The following GRIK1 variants were observed in gnomAD, a reference collection of about 807,000 sequenced individuals.
GRIK1 encodes the protein glutamate receptor ionotropic, kainate 1.
GRIK1 carries 69 observed loss-of-function variants against 105.7 expected under a neutral mutation model. The ratio of observed to expected loss-of-function variants is 0.65; its 90% CI spans 0.54 to 0.80. The LOEUF is 0.80. Among genes scored for constraint, GRIK1 ranks in the 30% least tolerant of loss-of-function variants. GRIK1 has a pLI of 0.00. For missense variants in GRIK1, 1,109 were observed against 1,167.3 expected, an observed-to-expected ratio of 0.95 and a Z score of 0.73; for synonymous variants, 438 against 431.3, an observed-to-expected ratio of 1.02 and a Z score of -0.19.
At chr21:29,648,116 GA>G (rs1438803590) in intron 6 of GRIK1, among the ~76,000 whole-genome samples, 1 of 152,104 alleles carries the variant, frequency 6.6e-6, no homozygotes, top group African/African-American at 2.4e-5. Flanking sequence ...ATATTAGAGA[GA>G]AAAATAGACA....
intron 1 of GRIK1, among the ~76,000 whole-genome samples, chr21:29,864,254 A>G (rs2068734065): frequency 6.6e-6 from 1 of 152,102 alleles, no homozygotes; most frequent in African/African-American, 2.4e-5. Context: ...TCAAAGACAT[A>G]ATTTCATTAT....
chr21:29,765,857 C>CT (rs113142690), intron 1 of GRIK1, among the ~76,000 whole-genome samples: 3,946 of 146,516 alleles, frequency 0.027, 160 homozygotes, highest in African/African-American at 0.091. Context: ...GAAAATTCTT[C>CT]TTTTTTTTTT....
chr21:29,633,514 AAAAT>A (rs57847572), intron 7 of GRIK1, among the ~76,000 whole-genome samples: 6,375 of 151,760 alleles, frequency 0.042, 430 homozygotes, highest in African/African-American at 0.14. Flanking sequence ...AAATAAAATA[AAAAT>A]AAATAAATAA....
At position 29,939,764 on chromosome 21, in the gene GRIK1, G is replaced by A. The variant is rs948148695; in HGVS notation, c.-264C>T. 5.7e-6 allele frequency: 2 copies of A among 350,822 alleles called. No homozygotes were observed. The highest frequency in any genetic ancestry group is 9.4e-5 in the Admixed American group (2 of 21,220). 21.7% of individuals were successfully genotyped at this position (350,822 alleles called of 1,614,324 possible). Reference sequence around the variant, plus strand: ...CCTCTTCCATGGGCCGCAGACCGCGGAGGATCAGCGCTCTCTGGCTCCCGG... The same window carrying A: ...CCTCTTCCATGGGCCGCAGACCGCGAAGGATCAGCGCTCTCTGGCTCCCGG... On this transcript the variant is annotated 5_prime_UTR_variant, in exon 1 of 18. Transcript: ENST00000327783.
chr21:29,903,824 C>T (rs1055498280), intron 1 of GRIK1, among the ~76,000 whole-genome samples: 2 of 152,260 alleles, frequency 1.3e-5, no homozygotes, highest in African/African-American at 2.4e-5. Flanking sequence ...CACATGCACA[C>T]ATATATTTAT....
chr21:29,652,357 G>A (rs942705349), intron 5 of GRIK1, among the ~76,000 whole-genome samples: 1 of 152,126 alleles, frequency 6.6e-6, no homozygotes, highest in Non-Finnish European at 1.5e-5. Flanking sequence ...TCATCTCCTG[G>A]CTTGTTGAAA....
At chr21:29,558,740 A>G (rs9680403) in intron 15 of GRIK1, among the ~76,000 whole-genome samples, 5,642 of 150,870 alleles carry the variant, frequency 0.037, 347 homozygotes, top group African/African-American at 0.13. Flanking sequence ...TTATATGTAT[A>G]TTTAATATTA....
intron 1 of GRIK1, among the ~76,000 whole-genome samples, chr21:29,884,959 A>G (rs187723692): frequency 6.6e-6 from 1 of 152,208 alleles, no homozygotes; most frequent in African/African-American, 2.4e-5. Flanking sequence ...AAACTGTTCC[A>G]TAAAAGATTC....
intron 1 of GRIK1, among the ~76,000 whole-genome samples, chr21:29,921,087 A>G (rs568365020): frequency 6.6e-6 from 1 of 152,140 alleles, no homozygotes; most frequent in East Asian, 1.9e-4. Context: ...TACCCTGTGC[A>G]TTGTATGATG....
chr21:29,922,699 T>C (rs460091), intron 1 of GRIK1, among the ~76,000 whole-genome samples: 38,928 of 152,174 alleles, frequency 0.26, 6,311 homozygotes, highest in African/African-American at 0.46. Context: ...ACAGTTACTT[T>C]GCTTAAAAAT....
At chr21:29,921,626 T>C (rs955048884) in intron 1 of GRIK1, among the ~76,000 whole-genome samples, 1 of 152,166 alleles carries the variant, frequency 6.6e-6, no homozygotes, top group African/African-American at 2.4e-5. Flanking sequence ...TTTTCACGAA[T>C]CAAATAAATA....
intron 16 of GRIK1, among the ~76,000 whole-genome samples, chr21:29,546,340 C>T (rs1020085832): frequency 6.6e-6 from 1 of 152,198 alleles, no homozygotes; most frequent in Non-Finnish European, 1.5e-5. Flanking sequence ...ACTGCCTACA[C>T]GCTGTTATTC....
rs571056649 is a variant in GRIK1, at chr21:29,737,462, C to T, written c.119-43399G>A. ...TGAGGAGGCTTGAAAAGTGGGGAGCCGAGCCAAGAATGACAAAATAAAAGG... is the reference window on the plus strand; with the variant it reads ...TGAGGAGGCTTGAAAAGTGGGGAGCTGAGCCAAGAATGACAAAATAAAAGG... On this transcript the variant is annotated intron_variant, in intron 1 of 17. Coordinates refer to ENST00000327783, the MANE Select transcript of GRIK1 (RefSeq NM_001330994.2). 9.2e-5 allele frequency among the ~76,000 whole-genome samples: 14 copies of T among 152,210 alleles called. No individual in the cohort carries two copies. The South Asian group carries it at 1.0e-3, about 11-fold the overall frequency.
chr21:29,867,892 GAGAGAGAGAGAA>G (rs1186007230), intron 1 of GRIK1, among the ~76,000 whole-genome samples: 37 of 127,550 alleles, frequency 2.9e-4, no homozygotes, highest in East Asian at 1.9e-3. Flanking sequence ...GAGAAAGAGA[GAGAGAGAGAGAA>G]AGAAAGAGAG....
chr21:29,867,888 G>GAGAGAA (rs202192715), intron 1 of GRIK1, among the ~76,000 whole-genome samples: 11,025 of 131,232 alleles, frequency 0.084, 531 homozygotes, highest in African/African-American at 0.15. Context: ...GAGAGAGAAA[G>GAGAGAA]AGAGAGAGAG....
intron 16 of GRIK1, among the ~76,000 whole-genome samples, chr21:29,547,947 G>T (rs1234941027): frequency 6.6e-6 from 1 of 152,102 alleles, no homozygotes; most frequent in Admixed American, 6.5e-5. Context: ...GTAATTTCTT[G>T]GTTTTTGTGG....
At chr21:29,809,280 G>A (rs575610530) in intron 1 of GRIK1, among the ~76,000 whole-genome samples, 2 of 152,290 alleles carry the variant, frequency 1.3e-5, no homozygotes, top group South Asian at 4.1e-4. Context: ...GAATATTGCA[G>A]TAAAGCAAGT....
Position 29,587,403 on chromosome 21 carries a change from A to C in GRIK1, c.1756T>G (p.Cys586Gly). Reference sequence around the variant, plus strand: ...AAGAGTACACAGCTGACTCCCAAGCAGGCTAAGAGCACATACATCCAAATA... The same window carrying C: ...AAGAGTACACAGCTGACTCCCAAGCCGGCTAAGAGCACATACATCCAAATA... ...PDIWMYVLLA[C>G]LGVSCVLFVI... Residue 586 changes from cysteine (C) to glycine (G), a missense_variant, in exon 12 of 18, where the codon TGC (cysteine) becomes GGC (glycine). This residue lies in a region of GRIK1 where 264 missense variants were observed against 306.9 expected (regional missense o/e 0.86). Coordinates refer to ENST00000327783, the MANE Select transcript of GRIK1 (RefSeq NM_001330994.2). The C allele has an allele frequency of 6.2e-7, 1 of 1,613,600 alleles. No homozygotes were observed. The highest frequency in any genetic ancestry group is 8.5e-7 in the Non-Finnish European group (1 of 1,179,522).
intron 7 of GRIK1, among the ~76,000 whole-genome samples, chr21:29,635,758 G>A (rs2062386308): frequency 6.6e-6 from 1 of 152,172 alleles, no homozygotes; most frequent in Admixed American, 6.5e-5. Context: ...TTGTGGGAAT[G>A]TCCTGGGTTA....
Sources: gnomAD v4.1 joint callset for allele counts (sites outside exome capture counted in the v4.1 genomes callset) on GRCh38, gnomAD v4.1.1 for gene constraint, gnomAD v4.1.1 regional missense constraint, MANE v1.5 for transcripts, NCBI Gene and HGNC (gene_info 2026-07-23, HGNC 2026-07-21) for gene names.